The following JAZF1 variants were observed in gnomAD, a reference collection of about 807,000 sequenced individuals.
The protein encoded by JAZF1 is JAZF zinc finger 1.
Under a neutral mutation model 26.4 loss-of-function variants are expected in JAZF1, and 8 were observed. The ratio of observed to expected loss-of-function variants is 0.30; its 90% CI spans 0.18 to 0.55. The LOEUF (loss-of-function observed/expected upper bound fraction) is 0.55, where lower values mean the gene tolerates loss of function less well. Among genes scored for constraint, JAZF1 ranks in the 20% least tolerant of loss-of-function variants. The pLI is 0.94. For synonymous variants in JAZF1, 126 were observed against 122.3 expected (o/e 1.03, Z -0.20); for missense variants, 199 against 322.0 (o/e 0.62, Z 2.92).
chr7:27,876,814 A>G (rs1423923795), intron 3 of JAZF1, among the ~76,000 whole-genome samples: 1 of 152,084 alleles, frequency 6.6e-6, no homozygotes, highest in African/African-American at 2.4e-5. Context: ...TGGGCGGGAG[A>G]GTTTCCATTA....
chr7:28,134,160 A>G (rs1222518388), intron 1 of JAZF1, among the ~76,000 whole-genome samples: 1 of 152,190 alleles, frequency 6.6e-6, no homozygotes, highest in East Asian at 1.9e-4. Context: ...AAAGATTTTC[A>G]GTAACTACAT....
intron 2 of JAZF1, among the ~76,000 whole-genome samples, chr7:27,907,670 G>A (rs2128344383): frequency 6.6e-6 from 1 of 152,308 alleles, no homozygotes; most frequent in African/African-American, 2.4e-5. Context: ...GAGGTGTCCA[G>A]TTAATTAAAC....
At position 27,978,904 on chromosome 7, in the gene JAZF1, A is replaced by G. The variant is rs1785523319; in HGVS notation, c.188+13005T>C. Reference sequence around the variant, plus strand: ...GTATGTGTGTGTGTTTTTTGGGGGGAGAAAGGCAGGGGAGAGGGGGAGAGA... The same window carrying G: ...GTATGTGTGTGTGTTTTTTGGGGGGGGAAAGGCAGGGGAGAGGGGGAGAGA... On this transcript the variant is annotated intron_variant, in intron 2 of 4. Coordinates refer to ENST00000283928, the MANE Select transcript of JAZF1 (RefSeq NM_175061.4). 2.7e-5 allele frequency among the ~76,000 whole-genome samples: 4 copies of G among 147,870 alleles called. No homozygotes were observed. The Admixed American group carries it at 2.7e-4, about 10-fold the overall frequency.
chr7:28,028,643 A>C (rs1413763272), intron 1 of JAZF1, among the ~76,000 whole-genome samples: 1 of 152,236 alleles, frequency 6.6e-6, no homozygotes, highest in Non-Finnish European at 1.5e-5. Context: ...TGTCACGAAT[A>C]AGGATAGGAT....
At chr7:27,923,511 G>A (rs994082025) in intron 2 of JAZF1, among the ~76,000 whole-genome samples, 1 of 152,134 alleles carries the variant, frequency 6.6e-6, no homozygotes, top group Admixed American at 6.5e-5. Context: ...TCCTTCATCC[G>A]GCTTATCTCC....
chr7:27,836,711 C>T (rs7777465), intron 4 of JAZF1, among the ~76,000 whole-genome samples: 3,180 of 152,228 alleles, frequency 0.021, 103 homozygotes, highest in African/African-American at 0.073. Flanking sequence ...CTCACCAGCC[C>T]CAGAAAGCAG....
intron 2 of JAZF1, among the ~76,000 whole-genome samples, chr7:27,956,385 C>T (rs1180212795): frequency 6.6e-6 from 1 of 152,198 alleles, no homozygotes; most frequent in African/African-American, 2.4e-5. Context: ...TAAGATCATG[C>T]TCTTTGGGGG....
At chr7:27,971,200 G>A (rs921098480) in intron 2 of JAZF1, among the ~76,000 whole-genome samples, 1 of 152,188 alleles carries the variant, frequency 6.6e-6, no homozygotes, top group Admixed American at 6.5e-5. Context: ...GGACGGCTTT[G>A]GGTGTCGTTT....
At chr7:28,036,790 G>T (rs1184865602) in intron 1 of JAZF1, among the ~76,000 whole-genome samples, 2 of 152,224 alleles carry the variant, frequency 1.3e-5, no homozygotes, top group Non-Finnish European at 2.9e-5. Context: ...TGGGGGTGAG[G>T]CTGTGCTCCT....
At chr7:27,925,682 C>T (rs923641131) in intron 2 of JAZF1, among the ~76,000 whole-genome samples, 2 of 152,214 alleles carry the variant, frequency 1.3e-5, no homozygotes, top group African/African-American at 4.8e-5. Context: ...TCGCCTCAGC[C>T]TCCCAAAGTG....
chr7:28,060,870 CA>C (rs1390754651), intron 1 of JAZF1, among the ~76,000 whole-genome samples: 20 of 152,258 alleles, frequency 1.3e-4, no homozygotes, highest in African/African-American at 4.6e-4. Flanking sequence ...TCTGGGTTTC[CA>C]AATTTCACTT....
At chr7:28,128,442 A>G (rs961366480) in intron 1 of JAZF1, among the ~76,000 whole-genome samples, 6 of 152,136 alleles carry the variant, frequency 3.9e-5, no homozygotes, top group African/African-American at 1.4e-4. Flanking sequence ...GAATCGCTTG[A>G]ATCTGGGTGG....
At chr7:27,851,742 A>AC (rs1783154488) in intron 3 of JAZF1, among the ~76,000 whole-genome samples, 1 of 152,186 alleles carries the variant, frequency 6.6e-6, no homozygotes, top group South Asian at 2.1e-4. Flanking sequence ...CACAATGACT[A>AC]CCAAGCCTAA....
chr7:27,867,953 G>A (rs11761905), intron 3 of JAZF1, among the ~76,000 whole-genome samples: 38,422 of 152,096 alleles, frequency 0.25, 5,304 homozygotes, highest in African/African-American at 0.36. Flanking sequence ...GCAGGATCTC[G>A]CCTGGTCATG....
intron 1 of JAZF1, among the ~76,000 whole-genome samples, chr7:28,090,148 T>C (rs937571124): frequency 3.3e-5 from 5 of 152,220 alleles, no homozygotes; most frequent in African/African-American, 1.2e-4. Context: ...TAAACCACAC[T>C]TTCCTCAACT....
At chr7:28,053,372 T>A (rs571282995) in intron 1 of JAZF1, among the ~76,000 whole-genome samples, 48 of 151,088 alleles carry the variant, frequency 3.2e-4, no homozygotes, top group African/African-American at 1.1e-3. Context: ...GTAATTCTAT[T>A]TTCAGTTTTT....
At chr7:27,842,517 G>C (rs1032642278) in intron 3 of JAZF1, 3 of 152,038 alleles carry the variant, frequency 2.0e-5, no homozygotes, top group Non-Finnish European at 4.4e-5. Flanking sequence ...AAAACAATCT[G>C]GCAAACATGA....
intron 3 of JAZF1, among the ~76,000 whole-genome samples, chr7:27,883,661 A>G (rs1230070493): frequency 1.3e-5 from 2 of 152,188 alleles, no homozygotes; most frequent in South Asian, 2.1e-4. Flanking sequence ...AATATTCTCA[A>G]TGTAAGGAAG....
At chr7:28,052,378 G>A (rs1783630855) in intron 1 of JAZF1, among the ~76,000 whole-genome samples, 1 of 152,144 alleles carries the variant, frequency 6.6e-6, no homozygotes, top group African/African-American at 2.4e-5. Context: ...TGAGTTTCTG[G>A]AGTCAGTTTG....
Sources: allele counts gnomAD v4.1 joint callset (sites outside exome capture counted in the v4.1 genomes callset), GRCh38; gene constraint gnomAD v4.1.1; transcripts MANE v1.5; gene names NCBI Gene and HGNC (gene_info 2026-07-23, HGNC 2026-07-21).